Variants in PHF3 observed in about 807,000 individuals in gnomAD.
PHF3 encodes PHD finger protein 3.
In PHF3, 41 loss-of-function variants were observed where a neutral mutation model predicts 178.4. The ratio of observed to expected loss-of-function variants is 0.23; its 90% CI spans 0.18 to 0.30. The LOEUF is 0.30. Among genes scored for constraint, PHF3 ranks in the 10% least tolerant of loss-of-function variants. The pLI is 1.00. For synonymous variants in PHF3, 842 were observed against 800.5 expected, an observed-to-expected ratio of 1.05 and a Z score of -0.88; for missense variants, 2,346 against 2,398.1, an observed-to-expected ratio of 0.98 and a Z score of 0.45.
intron 2 of PHF3, among the ~76,000 whole-genome samples, chr6:63,673,068 A>C (rs1765988655): frequency 6.6e-6 from 1 of 150,596 alleles, no homozygotes; most frequent in Non-Finnish European, 1.5e-5. Context: ...TTTCTCCTCA[A>C]GTTTTTCCTT....
At position 63,685,373 on chromosome 6, in the gene PHF3, C is replaced by A. The variant is rs776498109; in HGVS notation, c.1651C>A (p.Gln551Lys). ...FHRPVKVRKK[Q>K]IDKEPKIQSC... ...TAGGCCAGTCAAAGTCAGAAAAAAA[C>A]AAATTGATAAGGAGCCAAAGATTCA... The change falls in exon 4 of 16, where the codon CAA (glutamine) becomes AAA (lysine). Residue 551 changes from glutamine to lysine, a missense_variant. By Grantham distance (53) the Gln-to-Lys change is moderately conservative. Transcript: ENST00000262043. 2.5e-6 allele frequency: 4 copies of A among 1,613,804 alleles called. No homozygotes were observed. Among genetic ancestry groups the A allele is most frequent in the South Asian group, 1.1e-5 (1 of 91,058 alleles).
At chr6:63,647,096 A>G (rs982324092) in intron 2 of PHF3, among the ~76,000 whole-genome samples, 1 of 151,914 alleles carries the variant, frequency 6.6e-6, no homozygotes, top group Non-Finnish European at 1.5e-5. Flanking sequence ...AGAGTACTTT[A>G]ATAATTACAT....
At position 63,718,625 on chromosome 6, in the gene PHF3, A is replaced by C. The variant is rs551331030; in HGVS notation, c.*4917A>C. Among the ~76,000 whole-genome samples the C allele has an allele frequency of 1.3e-5, 2 of 152,128 alleles. No homozygotes were observed. Among genetic ancestry groups the C allele is most frequent in the Non-Finnish European group, 2.9e-5 (2 of 67,934 alleles). On this transcript the variant is annotated 3_prime_UTR_variant, in exon 16 of 16. Transcript: ENST00000262043. Reference sequence around the variant, plus strand: ...TGTAGTATGTCATTTTATTTGAAATATATGAAGAAAATCTGGCTATATGTG... The same window carrying C: ...TGTAGTATGTCATTTTATTTGAAATCTATGAAGAAAATCTGGCTATATGTG...
chr6:63,681,878 T>C (rs974902998), intron 3 of PHF3, among the ~76,000 whole-genome samples: 2 of 151,998 alleles, frequency 1.3e-5, no homozygotes, highest in African/African-American at 4.8e-5. Context: ...GGGGATTGGG[T>C]TTTACCAGCT....
intron 3 of PHF3, 60 bp from the exon 4 acceptor site, chr6:63,684,069 A>G (rs1766556964): frequency 7.7e-7 from 1 of 1,300,666 alleles, no homozygotes; most frequent in African/African-American, 1.5e-5. Flanking sequence ...AATTGTATTG[A>G]AATAAAAGCA....
chr6:63,658,361 A>T (rs1392071036), intron 2 of PHF3, among the ~76,000 whole-genome samples: 1 of 151,598 alleles, frequency 6.6e-6, no homozygotes, highest in Non-Finnish European at 1.5e-5. Context: ...CTTTTTATTC[A>T]CTTTGTTGTT....
intron 2 of PHF3, among the ~76,000 whole-genome samples, chr6:63,647,149 T>A (rs1444481820): frequency 6.6e-6 from 1 of 152,008 alleles, no homozygotes; most frequent in Non-Finnish European, 1.5e-5. Context: ...TAAATAGGGA[T>A]TGCCCGGCAA....
intron 3 of PHF3, among the ~76,000 whole-genome samples, chr6:63,680,969 G>A (rs1303390385): frequency 6.6e-6 from 1 of 151,812 alleles, no homozygotes; most frequent in African/African-American, 2.4e-5. Flanking sequence ...TTTTATTTTG[G>A]TGATGCACCT....
rs767304148 is a variant in PHF3 at position 63,685,503 on chromosome 6, A to G, written c.1781A>G (p.His594Arg). 5.0e-6 allele frequency: 8 copies of G among 1,614,128 alleles called. 1 individual carries two copies. In the South Asian group the frequency reaches 8.8e-5, roughly 18 times the overall value. ...TLVQIFKPLT[H>R]SLSDKSHAHP... ...GTACAAATTTTCAAGCCCTTAACTCATTCTTTGAGTGATAAGTCACACGCT... is the reference window on the plus strand; with the variant it reads ...GTACAAATTTTCAAGCCCTTAACTCGTTCTTTGAGTGATAAGTCACACGCT... The change falls in exon 4 of 16, where the codon CAT becomes CGT. Residue 594 changes from histidine (H) to arginine (R), a missense_variant. Around this residue, in one of 8 missense-constraint regions of PHF3, gnomAD observed 843 missense variants for 795.2 expected, o/e 1.06. Coordinates refer to ENST00000262043, the MANE Select transcript of PHF3 (RefSeq NM_001370348.2).
intron 1 of PHF3, among the ~76,000 whole-genome samples, chr6:63,637,162 C>T (rs1323019701): frequency 4.6e-5 from 7 of 152,148 alleles, no homozygotes; most frequent in Admixed American, 3.3e-4. Flanking sequence ...ATTATTGAGG[C>T]TTCTCTAAAT....
In PHF3 at chr6:63,636,141, G is replaced by A. The variant is rs1764319646; in HGVS notation, c.-35G>A. The A allele has an allele frequency of 7.7e-6, 3 of 388,458 alleles. No homozygotes were observed. The highest frequency in any genetic ancestry group is 9.0e-5 in the Admixed American group (2 of 22,340). The allele number at this position is 388,458 out of a possible 1,614,324, so 24.1% of individuals were successfully genotyped here. ...TGCTGCCAGTGGTAGCGCTCGTCTG[G>A]CGGAGCTGGGTGAGTTGCGGCTGTG... On this transcript the variant is annotated 5_prime_UTR_variant, in exon 1 of 16. Coordinates refer to ENST00000262043, the MANE Select transcript of PHF3 (RefSeq NM_001370348.2).
In PHF3 at chr6:63,723,690, G is replaced by A. The variant is rs965065149; in HGVS notation, c.*9982G>A. 1.3e-5 allele frequency among the ~76,000 whole-genome samples: 2 copies of A among 151,772 alleles called. No individual in the cohort carries two copies. The highest frequency in any genetic ancestry group is 2.4e-5 in the African/African-American group (1 of 41,346). On this transcript the variant is annotated 3_prime_UTR_variant, in exon 16 of 16. Transcript: ENST00000262043. ...CAAAAAGTTTTCTTTCTGTGGCTAT[G>A]GAAGCTAAAAGCTGTATTAGCTTAA...
intron 3 of PHF3, among the ~76,000 whole-genome samples, chr6:63,682,358 T>C (rs1766475717): frequency 6.6e-6 from 1 of 152,142 alleles, no homozygotes; most frequent in African/African-American, 2.4e-5. Flanking sequence ...TTGCCAACAC[T>C]GCCAGCCTAG....
intron 9 of PHF3, among the ~76,000 whole-genome samples, chr6:63,701,583 T>G: frequency 6.6e-6 from 1 of 152,220 alleles, no homozygotes; most frequent in East Asian, 1.9e-4. Context: ...CTGATTCTTT[T>G]GTTCATAATA....
rs772449116 is a variant in PHF3, at chr6:63,711,080, G to C, written c.3802-87G>C. 4.4e-6 allele frequency: 4 copies of C among 905,342 alleles called. No homozygotes were observed. The African/African-American group carries it at 5.1e-5, about 11-fold the overall frequency. The allele number at this position is 905,342 out of a possible 1,614,324, so 56.1% of individuals were successfully genotyped here. A position where few individuals can be genotyped will look rare whatever the true frequency, so the allele number is the denominator to read the frequency against. On this transcript the variant is annotated intron_variant, in intron 14 of 15. Coordinates refer to ENST00000262043, the MANE Select transcript of PHF3 (RefSeq NM_001370348.2). ...GGTACCATCATTATAAAGTTCAATA[G>C]ATTATTACTAATTGAGAAATAGTTT...
intron 13 of PHF3, among the ~76,000 whole-genome samples, chr6:63,707,707 C>G (rs748516089): frequency 2.7e-5 from 4 of 150,336 alleles, no homozygotes; most frequent in Non-Finnish European, 4.4e-5. Context: ...TTTGAAAAAG[C>G]CTAAATCATT....
At chr6:63,690,664 A>G (rs1051301964) in intron 4 of PHF3, among the ~76,000 whole-genome samples, 6 of 152,160 alleles carry the variant, frequency 3.9e-5, no homozygotes, top group African/African-American at 9.7e-5. Context: ...GTTAAAGTAC[A>G]TACCTAAATC....
Position 63,646,588 on chromosome 6 carries a change from A to G in PHF3, c.37A>G (p.Thr13Ala), listed in dbSNP as rs1764793011. ...TGATACATTTAATCATTTAATTCCT[A>G]CTGAACACTTAGATGATGCCCTATT... ...IVDTFNHLIP[T>A]EHLDDALFLG... The change falls in exon 2 of 16, where the codon ACT becomes GCT. Residue 13 changes from threonine (T) to alanine (A), a missense_variant. By Grantham distance (58) the Thr-to-Ala change is moderately conservative. Transcript: ENST00000262043. 3 of 1,611,960 alleles carry G rather than the reference A, an allele frequency of 1.9e-6. No individual in the cohort carries two copies. Among genetic ancestry groups the G allele is most frequent in the Non-Finnish European group, 2.5e-6 (3 of 1,178,240 alleles).
chr6:63,680,247 A>G lies in PHF3; in HGVS notation c.406+86A>G, dbSNP rs74760146. 2.0e-3 allele frequency: 2,300 copies of G among 1,160,370 alleles called. 30 individuals carry two copies. In the African/African-American group the frequency reaches 0.031, roughly 16 times the overall value. 71.9% of individuals were successfully genotyped at this position (1,160,370 alleles called of 1,614,324 possible). ...TATAAACCTGCTGAGCAGAAATCAT[A>G]TTTTCTTGATGTTTTGCTAATCCAT... On this transcript the variant is annotated intron_variant, in intron 3 of 15. Transcript: ENST00000262043.
Sources: gnomAD v4.1 joint callset for allele counts (sites outside exome capture counted in the v4.1 genomes callset) on GRCh38, gnomAD v4.1.1 for gene constraint, gnomAD v4.1.1 regional missense constraint, MANE v1.5 for transcripts, NCBI Gene and HGNC (gene_info 2026-07-23, HGNC 2026-07-21) for gene names.